ROBO1: variants seen among roughly 807,000 people sequenced by gnomAD.
The protein encoded by ROBO1 is roundabout guidance receptor 1, also known as roundabout homolog 1.
A neutral mutation model predicts 195.9 loss-of-function variants in ROBO1; 149 were observed. The observed-to-expected ratio is 0.76, with a 90% CI of 0.67 to 0.87. The LOEUF (loss-of-function observed/expected upper bound fraction) is 0.87. ROBO1 is among the 40% of genes least tolerant of loss of function. The probability of loss-of-function intolerance (pLI) is 0.00; values close to 1 mark genes in which losing one functional copy is unlikely to be tolerated. For missense variants in ROBO1, 1,933 were observed against 2,068.3 expected (o/e 0.93, Z 1.27); for synonymous variants, 816 against 733.2 (o/e 1.11, Z -1.82).
chr3:79,279,293 A>G (rs1372830529), intron 2 of ROBO1, among the ~76,000 whole-genome samples: 1 of 152,020 alleles, frequency 6.6e-6, no homozygotes, highest in South Asian at 2.1e-4. Context: ...AAACAAAAAA[A>G]CAAAAACAAC....
At chr3:79,249,783 A>G (rs2082686933) in intron 2 of ROBO1, among the ~76,000 whole-genome samples, 1 of 152,210 alleles carries the variant, frequency 6.6e-6, no homozygotes, top group African/African-American at 2.4e-5. Context: ...TATTCTAGGC[A>G]CACAGTGTAG....
At chr3:79,577,914 A>G (rs1192362837) in intron 2 of ROBO1, among the ~76,000 whole-genome samples, 1 of 152,074 alleles carries the variant, frequency 6.6e-6, no homozygotes, top group African/African-American at 2.4e-5. Flanking sequence ...TCTGTCTCAA[A>G]ACAAAAAAAC....
intron 3 of ROBO1, among the ~76,000 whole-genome samples, chr3:79,042,549 A>T (rs1441607545): frequency 2.2e-4 from 33 of 152,178 alleles, no homozygotes; most frequent in Admixed American, 2.2e-3. Flanking sequence ...AAAGTTAAAT[A>T]TTATAAGTTG....
At chr3:78,605,285 C>A (rs1343975077) in intron 29 of ROBO1, among the ~76,000 whole-genome samples, 1 of 152,078 alleles carries the variant, frequency 6.6e-6, no homozygotes, top group African/African-American at 2.4e-5. Flanking sequence ...AATCTGTTTC[C>A]TTAATAGGAT....
At chr3:79,507,402 A>G (rs1375593298) in intron 2 of ROBO1, among the ~76,000 whole-genome samples, 2 of 152,210 alleles carry the variant, frequency 1.3e-5, no homozygotes. Flanking sequence ...GAAATAGCTG[A>G]AGAGCAGTAC....
At chr3:79,129,166 C>G (rs1009145575) in intron 2 of ROBO1, among the ~76,000 whole-genome samples, 1 of 152,154 alleles carries the variant, frequency 6.6e-6, no homozygotes, top group East Asian at 1.9e-4. Context: ...GGCTTGTTTT[C>G]AACCTACTTC....
At chr3:79,104,328 A>G (rs533055491) in intron 3 of ROBO1, among the ~76,000 whole-genome samples, 35 of 151,930 alleles carry the variant, frequency 2.3e-4, no homozygotes, top group African/African-American at 6.7e-4. Flanking sequence ...AAACTACCTT[A>G]CTTGAAGTTA....
At chr3:79,606,194 A>G (rs755679494) in intron 1 of ROBO1, among the ~76,000 whole-genome samples, 1 of 151,946 alleles carries the variant, frequency 6.6e-6, no homozygotes, top group Non-Finnish European at 1.5e-5. Flanking sequence ...TTGTGTAAGT[A>G]TAGTAAGAAA....
intron 4 of ROBO1, among the ~76,000 whole-genome samples, chr3:78,937,765 A>G (rs1026980099): frequency 6.6e-6 from 1 of 152,202 alleles, no homozygotes; most frequent in African/African-American, 2.4e-5. Flanking sequence ...GTTTTCTTCC[A>G]AAGGCACCCC....
At chr3:79,614,145 T>C (rs541206133) in intron 1 of ROBO1, among the ~76,000 whole-genome samples, 14 of 152,150 alleles carry the variant, frequency 9.2e-5, no homozygotes, top group Admixed American at 2.6e-4. Context: ...TACCAACCAA[T>C]TTGACCTAAT....
chr3:78,756,451 A>C (rs191696117), intron 4 of ROBO1, among the ~76,000 whole-genome samples: 7 of 152,326 alleles, frequency 4.6e-5, no homozygotes, highest in Admixed American at 4.6e-4. Context: ...ACTTTCACAT[A>C]TGTAAAGCAT....
intron 1 of ROBO1, among the ~76,000 whole-genome samples, chr3:79,695,916 T>A (rs2107120303): frequency 6.7e-6 from 1 of 148,630 alleles, no homozygotes; most frequent in South Asian, 2.2e-4. Flanking sequence ...TCAGTAAAAA[T>A]TAAGCGGACA....
In ROBO1 at chr3:78,651,628, AC is replaced by A. The variant is rs752530728; in HGVS notation, c.2812+103del. 7 of 900,790 alleles carry A rather than the reference AC, an allele frequency of 7.8e-6. 1 individual carries two copies. Among genetic ancestry groups the A allele is most frequent in the Non-Finnish European group, 9.6e-6 (6 of 626,544 alleles). 55.8% of individuals were successfully genotyped at this position (900,790 alleles called of 1,614,324 possible). A position where few individuals can be genotyped will look rare whatever the true frequency, so the allele number is the denominator to read the frequency against. ...CTTTTGAAAATCTTTATATATTAAA[AC>A]AAGTTTTAGAGGATATGCATAATCA... On this transcript the variant is annotated intron_variant, in intron 19 of 30. Transcript: ENST00000464233.
intron 1 of ROBO1, among the ~76,000 whole-genome samples, chr3:79,758,558 T>A (rs1171227441): frequency 5.3e-5 from 8 of 152,226 alleles, no homozygotes; most frequent in Admixed American, 3.9e-4. Flanking sequence ...AGAGATGATC[T>A]TTCTATAGGA....
chr3:79,537,980 A>G (rs1026554236), intron 2 of ROBO1, among the ~76,000 whole-genome samples: 1 of 152,290 alleles, frequency 6.6e-6, no homozygotes, highest in African/African-American at 2.4e-5. Context: ...ATGTTTTAAG[A>G]AAGTTTACAA....
chr3:78,713,595 A>G (rs1465630468), intron 8 of ROBO1, among the ~76,000 whole-genome samples: 1 of 152,186 alleles, frequency 6.6e-6, no homozygotes, highest in Non-Finnish European at 1.5e-5. Flanking sequence ...AAAGTTCTCA[A>G]ATGGGATATA....
chr3:79,728,408 C>T (rs1414842118), intron 1 of ROBO1, among the ~76,000 whole-genome samples: 1 of 152,100 alleles, frequency 6.6e-6, no homozygotes, highest in Non-Finnish European at 1.5e-5. Context: ...AAAAGTTCTA[C>T]ATTAATTTCA....
At chr3:79,747,243 A>G (rs1703917362) in intron 1 of ROBO1, among the ~76,000 whole-genome samples, 1 of 152,020 alleles carries the variant, frequency 6.6e-6, no homozygotes, top group Non-Finnish European at 1.5e-5. Context: ...CTTTGTTTTC[A>G]TTTATTTTGA....
At chr3:78,639,664 G>A in intron 22 of ROBO1, 80 bp downstream of exon 22, 2 of 1,337,122 alleles carry the variant, frequency 1.5e-6, no homozygotes, top group Non-Finnish European at 2.0e-6. Context: ...TCTTTCCCAT[G>A]TAGGGAGAGG....
Sources: gnomAD v4.1 joint callset for allele counts (sites outside exome capture counted in the v4.1 genomes callset) on GRCh38, gnomAD v4.1.1 for gene constraint, MANE v1.5 for transcripts, NCBI Gene and HGNC (gene_info 2026-07-23, HGNC 2026-07-21) for gene names.